RAB7A: variants seen among roughly 807,000 people sequenced by gnomAD.
RAB7A encodes ras-related protein Rab-7a.
In RAB7A, 2 loss-of-function variants were observed where a neutral mutation model predicts 24.5. The ratio of observed to expected loss-of-function variants is 0.08; its 90% confidence interval spans 0.03 to 0.26. The LOEUF (loss-of-function observed/expected upper bound fraction) is 0.26. Ranked by LOEUF, RAB7A falls within the 10% of genes least tolerant of loss-of-function variation. RAB7A has a pLI of 1.00. For missense variants in RAB7A, 118 were observed against 255.7 expected (o/e 0.46, Z 3.67); for synonymous variants, 100 against 95.9 (o/e 1.04, Z -0.25).
rs866207718 is a variant in RAB7A, at chr3:128,784,846, C to T, written c.-8-10514C>T. 4.6e-5 allele frequency among the ~76,000 whole-genome samples: 7 copies of T among 151,958 alleles called. No individual in the cohort carries two copies. The South Asian group carries it at 6.2e-4, about 14-fold the overall frequency. ...TTGGTATGATTTCTCCTTATAGTCT[C>T]GTATCTACTTTTGCCCTTGGTATAT... On this transcript the variant is annotated intron_variant, in intron 1 of 5. Transcript: ENST00000265062.
At chr3:128,754,796 G>A (rs1045315671) in intron 1 of RAB7A, among the ~76,000 whole-genome samples, 1 of 152,058 alleles carries the variant, frequency 6.6e-6, no homozygotes, top group Admixed American at 6.6e-5. Context: ...AAAAGTTTAC[G>A]AGACAAAGCA....
At chr3:128,799,417 A>G (rs531979101) in intron 3 of RAB7A, among the ~76,000 whole-genome samples, 2 of 152,244 alleles carry the variant, frequency 1.3e-5, no homozygotes, top group East Asian at 1.9e-4. Context: ...GTTCTTTCCT[A>G]TGTGCTTCTA....
At chr3:128,730,160 T>G (rs1372668346) in intron 1 of RAB7A, among the ~76,000 whole-genome samples, 1 of 152,240 alleles carries the variant, frequency 6.6e-6, no homozygotes, top group Non-Finnish European at 1.5e-5. Flanking sequence ...TTATTTGCTC[T>G]TAAATCTTCT....
chr3:128,735,562 A>C (rs749996171), intron 1 of RAB7A, among the ~76,000 whole-genome samples: 1 of 152,224 alleles, frequency 6.6e-6, no homozygotes, highest in East Asian at 1.9e-4. Flanking sequence ...GTGGGCTAGG[A>C]TTGAAATACT....
At chr3:128,772,805 T>C (rs1199593146) in intron 1 of RAB7A, among the ~76,000 whole-genome samples, 2 of 152,260 alleles carry the variant, frequency 1.3e-5, no homozygotes, top group African/African-American at 4.8e-5. Flanking sequence ...TTGGCCGGGC[T>C]GGTCTCCAGC....
chr3:128,737,460 C>T (rs1275995722), intron 1 of RAB7A, among the ~76,000 whole-genome samples: 1 of 151,518 alleles, frequency 6.6e-6, no homozygotes, highest in Non-Finnish European at 1.5e-5. Context: ...CCTCCCACCT[C>T]AGCCTCCCAA....
rs553342947 is a variant in RAB7A at position 128,776,547 on chromosome 3, A to G, written c.-8-18813A>G. Among the ~76,000 whole-genome samples, 47 of 152,264 alleles carry G rather than the reference A, an allele frequency of 3.1e-4. No homozygotes were observed. In the South Asian group the frequency reaches 9.8e-3, roughly 32 times the overall value. On this transcript the variant is annotated intron_variant, in intron 1 of 5. Coordinates refer to ENST00000265062, the MANE Select transcript of RAB7A (RefSeq NM_004637.6). Reference sequence around the variant, plus strand: ...CAATCCTTCTGTCTTGGCCTCCCAAAGTTGCAGGATTACAGGTGTGTGCCA... The same window carrying G: ...CAATCCTTCTGTCTTGGCCTCCCAAGGTTGCAGGATTACAGGTGTGTGCCA...
chr3:128,769,079 A>G (rs2070860921), intron 1 of RAB7A, among the ~76,000 whole-genome samples: 1 of 142,054 alleles, frequency 7.0e-6, no homozygotes, highest in Admixed American at 7.5e-5. Context: ...TTTTTTGTAG[A>G]GACAGGGTCT....
chr3:128,757,964 TA>T (rs1454532284), intron 1 of RAB7A, among the ~76,000 whole-genome samples: 3 of 151,704 alleles, frequency 2.0e-5, no homozygotes, highest in Non-Finnish European at 2.9e-5. Flanking sequence ...CAGCCTATTT[TA>T]TTTTTTTTAT....
intron 5 of RAB7A, among the ~76,000 whole-genome samples, chr3:128,811,189 C>T (rs1933918474): frequency 6.6e-6 from 1 of 151,782 alleles, no homozygotes; most frequent in African/African-American, 2.4e-5. Flanking sequence ...CGCAGTGGTG[C>T]AATCATCACT....
intron 1 of RAB7A, among the ~76,000 whole-genome samples, chr3:128,746,636 C>T (rs774891054): frequency 9.2e-5 from 14 of 152,126 alleles, no homozygotes; most frequent in Non-Finnish European, 1.6e-4. Flanking sequence ...TCATGCCATA[C>T]TCCTGCCTCA....
chr3:128,759,760 A>T (rs2070762441), intron 1 of RAB7A, among the ~76,000 whole-genome samples: 1 of 151,592 alleles, frequency 6.6e-6, no homozygotes, highest in Admixed American at 6.6e-5. Context: ...CCCAGGCTGG[A>T]GTGCAGTGGC....
At chr3:128,757,457 A>G (rs1178349615) in intron 1 of RAB7A, among the ~76,000 whole-genome samples, 2 of 152,196 alleles carry the variant, frequency 1.3e-5, no homozygotes, top group Non-Finnish European at 2.9e-5. Context: ...CAGGCGAGGC[A>G]GAGGCACAAG....
At chr3:128,745,194 T>A (rs1559781223) in intron 1 of RAB7A, among the ~76,000 whole-genome samples, 1 of 151,894 alleles carries the variant, frequency 6.6e-6, no homozygotes, top group Non-Finnish European at 1.5e-5. Flanking sequence ...TTTCATTAAA[T>A]TTTTCTGGTT....
Position 128,813,243 on chromosome 3 carries a change from C to T in RAB7A, c.529-84C>T, listed in dbSNP as rs112547305. ...CACTCTGCCCAAGCAGAAGTGAGCC[C>T]CTCCTGGGCAGAAAGTGCCCGCAAT... On this transcript the variant is annotated intron_variant, in intron 5 of 5. Transcript: ENST00000265062. The T allele has an allele frequency of 9.3e-6, 12 of 1,289,172 alleles. No homozygotes were observed. The African/African-American group carries it at 1.3e-4, about 14-fold the overall frequency. 79.9% of individuals were successfully genotyped at this position (1,289,172 alleles called of 1,614,324 possible). A position where few individuals can be genotyped will look rare whatever the true frequency, so the allele number is the denominator to read the frequency against.
At chr3:128,750,552 G>A (rs1207041417) in intron 1 of RAB7A, among the ~76,000 whole-genome samples, 2 of 152,130 alleles carry the variant, frequency 1.3e-5, no homozygotes, top group East Asian at 1.9e-4. Context: ...GTGAGCCACC[G>A]AGCCTGGCCA....
rs2107618666 is a variant in RAB7A at position 128,813,845 on chromosome 3, T to A, written c.*423T>A. On this transcript the variant is annotated 3_prime_UTR_variant, in exon 6 of 6. Transcript: ENST00000265062. ...CTGATTTTTTTTATTGGTCTTGTGGTCTTTTTACCCCCCCTTTCCCCTCCC... is the reference window on the plus strand; with the variant it reads ...CTGATTTTTTTTATTGGTCTTGTGGACTTTTTACCCCCCCTTTCCCCTCCC... The A allele has an allele frequency of 3.7e-6, 1 of 272,752 alleles. No homozygotes were observed. The highest frequency in any genetic ancestry group is 9.2e-5 in the East Asian group (1 of 10,840). 16.9% of individuals were successfully genotyped at this position (272,752 alleles called of 1,614,324 possible).
chr3:128,807,162 G>T (rs948513577), intron 4 of RAB7A, among the ~76,000 whole-genome samples: 1 of 152,174 alleles, frequency 6.6e-6, no homozygotes, highest in Non-Finnish European at 1.5e-5. Flanking sequence ...ATGGTGAAGG[G>T]ACTATAAACC....
At chr3:128,770,376 T>C (rs2070873891) in intron 1 of RAB7A, among the ~76,000 whole-genome samples, 1 of 152,250 alleles carries the variant, frequency 6.6e-6, no homozygotes, top group Admixed American at 6.5e-5. Flanking sequence ...ATCTAGTCTC[T>C]TGAGGCCTAG....
Sources: allele counts gnomAD v4.1 joint callset (sites outside exome capture counted in the v4.1 genomes callset), GRCh38; gene constraint gnomAD v4.1.1; transcripts MANE v1.5; gene names NCBI Gene and HGNC (gene_info 2026-07-23, HGNC 2026-07-21).